EYS: variants seen among roughly 807,000 people sequenced by gnomAD.
EYS encodes the protein EGF-like photoreceptor maintenance factor.
In EYS, 250 loss-of-function variants were observed where a neutral mutation model predicts 282.1. The ratio of observed to expected loss-of-function variants is 0.89; its 90% CI spans 0.80 to 0.98. EYS has a LOEUF of 0.98. Ranked by LOEUF, EYS falls within the 50% of genes least tolerant of loss-of-function variation. The pLI is 0.00. For missense variants in EYS, 4,016 were observed against 3,709.0 expected (o/e 1.08, Z -2.15); for synonymous variants, 1,355 against 1,282.9 (o/e 1.06, Z -1.20).
At chr6:64,165,181 TAAAAC>T (rs1253971470) in intron 31 of EYS, among the ~76,000 whole-genome samples, 2 of 151,990 alleles carry the variant, frequency 1.3e-5, no homozygotes, top group Non-Finnish European at 2.9e-5. Context: ...ATAAATCTGT[TAAAAC>T]TAAAAAAGCA....
intron 31 of EYS, among the ~76,000 whole-genome samples, chr6:64,130,178 C>T (rs1042455014): frequency 1.3e-5 from 2 of 152,154 alleles, no homozygotes; most frequent in African/African-American, 4.8e-5. Flanking sequence ...GACACATGCA[C>T]ATGTATGTTT....
At chr6:63,917,986 T>C (rs1277580757) in intron 35 of EYS, among the ~76,000 whole-genome samples, 2 of 152,218 alleles carry the variant, frequency 1.3e-5, no homozygotes, top group Non-Finnish European at 2.9e-5. Flanking sequence ...AAGCCTTGTT[T>C]TGTATATTGT....
At chr6:64,420,688 G>T (rs538749080) in intron 28 of EYS, among the ~76,000 whole-genome samples, 11 of 152,100 alleles carry the variant, frequency 7.2e-5, no homozygotes, top group Non-Finnish European at 1.6e-4. Context: ...AATTTCTTCT[G>T]CCAGATACCC....
At chr6:64,741,532 G>C (rs1311234032) in intron 22 of EYS, among the ~76,000 whole-genome samples, 1 of 152,152 alleles carries the variant, frequency 6.6e-6, no homozygotes, top group Non-Finnish European at 1.5e-5. Flanking sequence ...GCCAGGCACT[G>C]AATTCTCTCT....
chr6:63,903,133 C>T (rs1262804159), intron 35 of EYS, among the ~76,000 whole-genome samples: 4 of 152,054 alleles, frequency 2.6e-5, no homozygotes, highest in Admixed American at 2.6e-4. Flanking sequence ...GTCAGCTTTA[C>T]AGGTGTAGGT....
At chr6:63,857,033 AAATT>A (rs1478367587) in intron 36 of EYS, among the ~76,000 whole-genome samples, 4 of 152,224 alleles carry the variant, frequency 2.6e-5, no homozygotes, top group Admixed American at 6.5e-5. Context: ...TAAGCAAAAT[AAATT>A]ATTTCTGTCA....
chr6:65,181,568 G>T (rs917154311), intron 12 of EYS, among the ~76,000 whole-genome samples: 14 of 152,130 alleles, frequency 9.2e-5, no homozygotes, highest in African/African-American at 2.9e-4. Context: ...ACAGGTGCTG[G>T]AGAGGATATG....
chr6:64,436,336 A>G (rs759709804), intron 27 of EYS, 71 bp from the exon 28 acceptor site: 22 of 754,970 alleles, frequency 2.9e-5, no homozygotes, highest in Non-Finnish European at 4.7e-5. Context: ...TTTGCACTGG[A>G]CTTTATTATT....
intron 24 of EYS, among the ~76,000 whole-genome samples, chr6:64,600,124 G>A (rs1766718155): frequency 6.6e-6 from 1 of 151,964 alleles, no homozygotes; most frequent in South Asian, 2.1e-4. Context: ...CATCCTTCAG[G>A]TGACTTGTTC....
intron 35 of EYS, among the ~76,000 whole-genome samples, chr6:63,894,447 A>G (rs1247722222): frequency 6.6e-6 from 1 of 152,208 alleles, no homozygotes; most frequent in Non-Finnish European, 1.5e-5. Context: ...AGCAGCCACA[A>G]GAAGCTGGAA....
intron 31 of EYS, among the ~76,000 whole-genome samples, chr6:64,140,057 A>G (rs1179966626): frequency 1.3e-5 from 2 of 152,122 alleles, no homozygotes; most frequent in African/African-American, 4.8e-5. Context: ...AATAAAAGGC[A>G]TTAGAAACAC....
chr6:65,329,825 A>G (rs1320656699), intron 11 of EYS: 2 of 983,026 alleles, frequency 2.0e-6, no homozygotes, highest in Middle Eastern at 5.2e-4. Context: ...ATAAAGCTCT[A>G]TTTTTACAAG....
At chr6:63,845,205 C>G (rs1237468884) in intron 36 of EYS, among the ~76,000 whole-genome samples, 1 of 152,052 alleles carries the variant, frequency 6.6e-6, no homozygotes, top group Admixed American at 6.6e-5. Flanking sequence ...GATGGGGGAG[C>G]ATTTATTCCA....
chr6:64,948,527 C>A (rs9345570), intron 14 of EYS, among the ~76,000 whole-genome samples: 3 of 143,182 alleles, frequency 2.1e-5, no homozygotes, highest in East Asian at 4.0e-4. Context: ...AATTATATTC[C>A]ACTAGAAAAC....
intron 13 of EYS, among the ~76,000 whole-genome samples, chr6:65,049,310 A>C (rs185780358): frequency 6.6e-6 from 1 of 151,902 alleles, no homozygotes; most frequent in Non-Finnish European, 1.5e-5. Context: ...AATGTCTTTG[A>C]GGTCTTTGAA....
At chr6:64,920,520 C>G (rs925999064) in intron 15 of EYS, among the ~76,000 whole-genome samples, 6 of 151,948 alleles carry the variant, frequency 3.9e-5, no homozygotes, top group Non-Finnish European at 7.4e-5. Context: ...CAAAAAGGAT[C>G]TTTGTAGCAA....
intron 30 of EYS, among the ~76,000 whole-genome samples, chr6:64,274,490 T>TTTTGTTTGTTTG (rs979851816): frequency 3.4e-5 from 5 of 149,084 alleles, no homozygotes; most frequent in African/African-American, 1.2e-4. Flanking sequence ...CGTTTTTTTT[T>TTTTGTTTGTTTG]TTTTTTTTTT....
intron 22 of EYS, among the ~76,000 whole-genome samples, chr6:64,717,741 A>T (rs1771445132): frequency 6.6e-6 from 1 of 152,202 alleles, no homozygotes; most frequent in Admixed American, 6.5e-5. Context: ...GCTTTTCTCA[A>T]AATTCCATCA....
chr6:64,017,298 A>C (rs1768940936), intron 33 of EYS, among the ~76,000 whole-genome samples: 1 of 151,900 alleles, frequency 6.6e-6, no homozygotes, highest in African/African-American at 2.4e-5. Flanking sequence ...GTGAGAGTGG[A>C]TTTATTTGGG....
Sources: gnomAD v4.1 joint callset for allele counts (sites outside exome capture counted in the v4.1 genomes callset) on GRCh38, gnomAD v4.1.1 for gene constraint, MANE v1.5 for transcripts, NCBI Gene and HGNC (gene_info 2026-07-23, HGNC 2026-07-21) for gene names.